GLG1: variants seen among roughly 807,000 people sequenced by gnomAD.
GLG1 encodes golgi glycoprotein 1, also known as Golgi apparatus protein 1.
Under a neutral mutation model 160.5 loss-of-function variants are expected in GLG1, and 38 were observed. The ratio of observed to expected loss-of-function variants is 0.24; its 90% CI spans 0.18 to 0.31. The LOEUF (loss-of-function observed/expected upper bound fraction) is 0.31. GLG1 is among the 10% of genes least tolerant of loss of function. The pLI, the probability that GLG1 is intolerant of heterozygous loss-of-function variation, is 1.00. For missense variants in GLG1, 1,373 were observed against 1,505.2 expected, an observed-to-expected ratio of 0.91 and a Z score of 1.45; for synonymous variants, 644 against 543.4, an observed-to-expected ratio of 1.19 and a Z score of -2.57.
chr16:74,589,525 A>G (rs577692354), intron 1 of GLG1, among the ~76,000 whole-genome samples: 151 of 152,292 alleles, frequency 9.9e-4, no homozygotes, highest in African/African-American at 3.6e-3. Context: ...TAAGCCCTGT[A>G]AACTCTGAAG....
At chr16:74,596,284 T>G (rs1381642023) in intron 1 of GLG1, among the ~76,000 whole-genome samples, 1 of 151,908 alleles carries the variant, frequency 6.6e-6, no homozygotes, top group Non-Finnish European at 1.5e-5. Context: ...ATCCCAGCAC[T>G]TTGGGGGGCT....
chr16:74,546,466 A>C (rs2143678028), intron 1 of GLG1, among the ~76,000 whole-genome samples: 1 of 152,232 alleles, frequency 6.6e-6, no homozygotes, highest in East Asian at 1.9e-4. Context: ...TAATTAAATA[A>C]AATACAAGGC....
At chr16:74,475,199 CAGA>C in intron 12 of GLG1, among the ~76,000 whole-genome samples, 1 of 148,632 alleles carries the variant, frequency 6.7e-6, no homozygotes, top group Non-Finnish European at 1.5e-5. Context: ...GCAAATCCCT[CAGA>C]AGACCAAATC....
At chr16:74,592,247 A>C (rs1406413972) in intron 1 of GLG1, among the ~76,000 whole-genome samples, 8 of 152,180 alleles carry the variant, frequency 5.3e-5, no homozygotes, top group Non-Finnish European at 1.2e-4. Context: ...GGTTCAAGCG[A>C]TTCTCCTGCC....
At chr16:74,541,543 TA>T (rs2017867683) in intron 1 of GLG1, among the ~76,000 whole-genome samples, 1 of 152,142 alleles carries the variant, frequency 6.6e-6, no homozygotes, top group Admixed American at 6.6e-5. Context: ...TTTGTGTAGA[TA>T]AAAGAGGTAA....
intron 3 of GLG1, 77 bp downstream of exon 3, chr16:74,508,762 A>T (rs978198428): frequency 1.7e-5 from 12 of 702,556 alleles, no homozygotes; most frequent in Middle Eastern, 2.6e-4. Flanking sequence ...TAACTGAGTC[A>T]TTCTTCTCAT....
intron 1 of GLG1, among the ~76,000 whole-genome samples, chr16:74,553,036 T>C (rs1330315961): frequency 1.3e-5 from 2 of 152,014 alleles, no homozygotes; most frequent in East Asian, 1.9e-4. Flanking sequence ...CTGGCCAACA[T>C]GATGAAACCC....
intron 8 of GLG1, among the ~76,000 whole-genome samples, chr16:74,490,071 T>C (rs549021624): frequency 6.6e-6 from 1 of 152,314 alleles, no homozygotes; most frequent in East Asian, 1.9e-4. Context: ...TATTCTAGGA[T>C]ATAAAGCGAA....
rs1169425326 is a variant in GLG1, at chr16:74,453,206, C to T, written c.3501G>A (p.Arg1167=). 1 of 1,614,022 alleles carries T rather than the reference C, an allele frequency of 6.2e-7. No homozygotes were observed. The highest frequency in any genetic ancestry group is 8.5e-7 in the Non-Finnish European group (1 of 1,179,958). Residue 1167 remains arginine (R), a synonymous_variant, in exon 26 of 26, where the codon CGG becomes CGA. Coordinates refer to ENST00000422840, the MANE Select transcript of GLG1 (RefSeq NM_001145667.2). ...GCTCTCGTGTCACTCGCTTGGTGAT[C>T]CGTCCACACATCAGGCCAATCAGGA... is the stretch of plus-strand genomic sequence containing the variant. ...ILFLIGLMCG[R]ITKRVTRELK... is the part of the protein sequence containing the mutation.
intron 1 of GLG1, among the ~76,000 whole-genome samples, chr16:74,549,988 G>A (rs1380648113): frequency 6.6e-6 from 1 of 152,230 alleles, no homozygotes; most frequent in Non-Finnish European, 1.5e-5. Flanking sequence ...CGTGGTGGGA[G>A]CACCTGTATT....
intron 1 of GLG1, among the ~76,000 whole-genome samples, chr16:74,569,296 T>G (rs1288693156): frequency 6.6e-6 from 1 of 152,220 alleles, no homozygotes; most frequent in Admixed American, 6.5e-5. Flanking sequence ...ATAAAAATCC[T>G]TTCTGAAACA....
chr16:74,459,487 A>C (rs1279951283), intron 23 of GLG1, among the ~76,000 whole-genome samples, 195 bp downstream of exon 23: 1 of 152,224 alleles, frequency 6.6e-6, no homozygotes, highest in East Asian at 1.9e-4. Flanking sequence ...AAAAGAAAAG[A>C]ATATTCACAT....
chr16:74,602,183 C>T (rs1353960932), intron 1 of GLG1, among the ~76,000 whole-genome samples: 1 of 152,046 alleles, frequency 6.6e-6, no homozygotes, highest in Non-Finnish European at 1.5e-5. Flanking sequence ...CTGTTCAATA[C>T]CTAAATTAGT....
In GLG1 at chr16:74,527,758, GCT is replaced by G. The variant is rs1377467300; in HGVS notation, c.471+4361_471+4362del. Among the ~76,000 whole-genome samples the G allele has an allele frequency of 2.6e-5, 4 of 151,952 alleles. No individual in the cohort carries two copies. In the East Asian group the frequency reaches 7.8e-4, roughly 30 times the overall value. ...TTTATTTTTTTTGAGATAGAGTCTT[GCT>G]CTGTCGGCCAGGGGTGAGTGCCGTG... On this transcript the variant is annotated intron_variant, in intron 2 of 25. Transcript: ENST00000422840.
intron 17 of GLG1, chr16:74,468,724 C>T: frequency 1.8e-6 from 1 of 546,468 alleles, no homozygotes; most frequent in Non-Finnish European, 3.3e-6. Flanking sequence ...GCCTGTCTTA[C>T]AGCTGGACTT....
intron 1 of GLG1, among the ~76,000 whole-genome samples, chr16:74,596,017 G>A (rs1041867872): frequency 1.3e-5 from 2 of 152,102 alleles, no homozygotes; most frequent in Non-Finnish European, 2.9e-5. Context: ...CAGCCACTCG[G>A]GAGGCTGAGG....
intron 1 of GLG1, among the ~76,000 whole-genome samples, chr16:74,599,768 G>C (rs1171695071): frequency 2.0e-5 from 3 of 152,058 alleles, no homozygotes; most frequent in Non-Finnish European, 2.9e-5. Context: ...GGAGGCTGAG[G>C]CAGGAGAATG....
chr16:74,552,939 C>G (rs1362083716), intron 1 of GLG1, among the ~76,000 whole-genome samples: 1 of 151,966 alleles, frequency 6.6e-6, no homozygotes, highest in African/African-American at 2.4e-5. Flanking sequence ...TTGTTTTTGG[C>G]CAGGCGCAGT....
chr16:74,566,497 A>G (rs1029217106), intron 1 of GLG1, among the ~76,000 whole-genome samples: 44 of 152,146 alleles, frequency 2.9e-4, no homozygotes, highest in African/African-American at 1.0e-3. Context: ...TCCTTTAAAG[A>G]GCTCTCCATT....
Sources: gnomAD v4.1 joint callset for allele counts (sites outside exome capture counted in the v4.1 genomes callset) on GRCh38, gnomAD v4.1.1 for gene constraint, MANE v1.5 for transcripts, NCBI Gene and HGNC (gene_info 2026-07-23, HGNC 2026-07-21) for gene names.